GAB3: variants seen among roughly 807,000 people sequenced by gnomAD.
The protein encoded by GAB3 is GRB2 associated binding protein 3.
GAB3 carries 12 observed loss-of-function variants against 40.4 expected under a neutral mutation model. The ratio of observed to expected loss-of-function variants is 0.30; its 90% CI spans 0.19 to 0.48. The LOEUF (loss-of-function observed/expected upper bound fraction) is 0.48. GAB3 is among the 20% of genes least tolerant of loss of function. GAB3 has a pLI of 0.99. For missense variants in GAB3, 381 were observed against 461.9 expected (o/e 0.82, Z 1.61); for synonymous variants, 154 against 176.7 (o/e 0.87, Z 1.02).
intron 1 of GAB3, among the ~76,000 whole-genome samples, chrX:154,745,459 G>C (rs1324521448): frequency 1.8e-5 from 2 of 111,538 alleles, no homozygotes. Flanking sequence ...TAAACCCAAT[G>C]CAATCAAAAG....
intron 1 of GAB3, among the ~76,000 whole-genome samples, chrX:154,746,414 C>T (rs1248383960): frequency 8.9e-6 from 1 of 111,908 alleles, no homozygotes; most frequent in East Asian, 2.8e-4. Context: ...CCCATAAGTT[C>T]GAGGTTGGTT....
At chrX:154,732,546 A>G (rs1252715773) in intron 1 of GAB3, among the ~76,000 whole-genome samples, 2 of 112,090 alleles carry the variant, frequency 1.8e-5, no homozygotes, top group African/African-American at 6.5e-5. Flanking sequence ...GAAAAAATAG[A>G]GGTGGACACT....
In GAB3 at chrX:154,675,937, G is replaced by T. The variant is rs1250168014; in HGVS notation, c.*2241C>A. ...TCCTCTAGCAGTTTTATCAAAGCAG[G>T]ACATAATTGCCTACACTCTGGAAAT... On this transcript the variant is annotated 3_prime_UTR_variant, in exon 10 of 10. Coordinates refer to ENST00000424127, the MANE Select transcript of GAB3 (RefSeq NM_001081573.3). The T allele has an allele frequency of 1.8e-5, 2 of 111,951 alleles. No individual in the cohort carries two copies. Among genetic ancestry groups the T allele is most frequent in the Non-Finnish European group, 3.8e-5 (2 of 53,156 alleles). 9.2% of individuals were successfully genotyped at this position (111,951 alleles called of 1,213,427 possible). A position where few individuals can be genotyped will look rare whatever the true frequency, so the allele number is the denominator to read the frequency against.
chrX:154,722,273 A>C (rs1557258837), intron 1 of GAB3, among the ~76,000 whole-genome samples: 2 of 111,204 alleles, frequency 1.8e-5, no homozygotes, highest in Non-Finnish European at 3.8e-5. Context: ...TATAAAAAAA[A>C]AACTGGTTAC....
chrX:154,694,979 G>A (rs112527470), intron 8 of GAB3, among the ~76,000 whole-genome samples: 4,359 of 112,155 alleles, frequency 0.039, 82 homozygotes, highest in Middle Eastern at 0.05. Context: ...AATAAAATAA[G>A]AAGGTAAAAT....
intron 1 of GAB3, among the ~76,000 whole-genome samples, chrX:154,732,775 G>T (rs1209024057): frequency 1.8e-5 from 2 of 110,932 alleles, no homozygotes; most frequent in East Asian, 5.6e-4. Context: ...TTTTTTCAGG[G>T]TGGTTCATCA....
At chrX:154,751,297 T>A (rs1298320204), upstream of GAB3, among the ~76,000 whole-genome samples, 1 of 50,035 alleles carries the variant, frequency 2.0e-5, no homozygotes, top group Non-Finnish European at 3.8e-5. Flanking sequence ...GGGGGGGGTG[T>A]GGGGGGGGGA....
At position 154,699,527 on chromosome X, in the gene GAB3, G is replaced by A; in HGVS notation, c.1126-14C>T. 8.4e-7 allele frequency: 1 copy of A among 1,189,238 alleles called. No individual in the cohort carries two copies. Among genetic ancestry groups the A allele is most frequent in the Non-Finnish European group, 1.1e-6 (1 of 878,064 alleles). ...GAACCTGCATGGCTGCAAAAGAATAGATACAGATTGGGAACCACAGACCAG... is the reference window on the plus strand; with the variant it reads ...GAACCTGCATGGCTGCAAAAGAATAAATACAGATTGGGAACCACAGACCAG... On this transcript the variant is annotated splice_polypyrimidine_tract_variant and intron_variant, in intron 5 of 9. Transcript: ENST00000424127.
intron 8 of GAB3, among the ~76,000 whole-genome samples, chrX:154,688,373 G>A (rs1057397589): frequency 5.5e-5 from 6 of 108,293 alleles, no homozygotes; most frequent in African/African-American, 1.0e-4. Context: ...TCTGCCTCCC[G>A]GGTTCAAGCA....
chrX:154,696,263 G>A (rs910053089), intron 7 of GAB3, among the ~76,000 whole-genome samples: 3 of 96,239 alleles, frequency 3.1e-5, no homozygotes, highest in African/African-American at 1.2e-4. Flanking sequence ...CAGCTCATGA[G>A]CTTTCTAAAC....
At chrX:154,690,341 C>T (rs1291702360) in intron 8 of GAB3, among the ~76,000 whole-genome samples, 1 of 112,162 alleles carries the variant, frequency 8.9e-6, no homozygotes, top group East Asian at 2.8e-4. Context: ...CATTACCATT[C>T]AGGACACAGG....
intron 8 of GAB3, among the ~76,000 whole-genome samples, chrX:154,682,822 A>G (rs1223552040): frequency 9.1e-6 from 1 of 110,454 alleles, no homozygotes; most frequent in African/African-American, 3.3e-5. Flanking sequence ...TACTAAAAAT[A>G]CAAAAATCTG....
At chrX:154,749,926 T>C (rs782135934) in intron 1 of GAB3, among the ~76,000 whole-genome samples, 1 of 113,190 alleles carries the variant, frequency 8.8e-6, no homozygotes, top group South Asian at 3.6e-4. Flanking sequence ...TTGTGAAATT[T>C]GGCCAGAAGA....
At chrX:154,712,099 G>C in intron 4 of GAB3, 130 bp downstream of exon 4, 1 of 474,606 alleles carries the variant, frequency 2.1e-6, no homozygotes, top group Non-Finnish European at 3.6e-6. Context: ...TTTTTACCAA[G>C]CTGCACACAT....
At chrX:154,708,392 A>G (rs1557254282) in intron 4 of GAB3, among the ~76,000 whole-genome samples, 1 of 112,293 alleles carries the variant, frequency 8.9e-6, no homozygotes, top group Non-Finnish European at 1.9e-5. Flanking sequence ...GCTACATCAA[A>G]CTAACAAGTG....
At chrX:154,745,398 TC>T (rs1341616088) in intron 1 of GAB3, among the ~76,000 whole-genome samples, 1 of 108,405 alleles carries the variant, frequency 9.2e-6, no homozygotes, top group Non-Finnish European at 1.9e-5. Flanking sequence ...AGGTCTCAAA[TC>T]AGTAATTTAA....
intron 4 of GAB3, among the ~76,000 whole-genome samples, chrX:154,710,728 T>TCCAGC (rs1557255635): frequency 8.9e-6 from 1 of 112,352 alleles, no homozygotes; most frequent in African/African-American, 3.2e-5. Flanking sequence ...ACCACTGTTG[T>TCCAGC]TTGGTCTTTG....
intron 8 of GAB3, among the ~76,000 whole-genome samples, chrX:154,685,069 T>C (rs1056357637): frequency 2.2e-4 from 25 of 112,260 alleles, no homozygotes; most frequent in Admixed American, 2.1e-3. Context: ...AGTCTGTTTA[T>C]CTCATCCATT....
chrX:154,715,057 T>C (rs1432304324), intron 2 of GAB3, among the ~76,000 whole-genome samples: 1 of 112,359 alleles, frequency 8.9e-6, no homozygotes, highest in Non-Finnish European at 1.9e-5. Context: ...CGAAAAGGAA[T>C]GTGTTCTCAG....
Sources: allele counts gnomAD v4.1 joint callset (sites outside exome capture counted in the v4.1 genomes callset), GRCh38; gene constraint gnomAD v4.1.1; transcripts MANE v1.5; gene names NCBI Gene and HGNC (gene_info 2026-07-23, HGNC 2026-07-21).